The following PI4K2B variants were observed in gnomAD, a reference collection of about 807,000 sequenced individuals.
The protein encoded by PI4K2B is phosphatidylinositol 4-kinase type 2-beta.
PI4K2B carries 46 observed loss-of-function variants against 56.6 expected under a neutral mutation model. The ratio of observed to expected loss-of-function variants is 0.81; its 90% CI spans 0.64 to 1.04. PI4K2B has a LOEUF of 1.04. Among genes scored for constraint, PI4K2B ranks in the 50% least tolerant of loss-of-function variants. The pLI is 0.00. For synonymous variants in PI4K2B, 211 were observed against 223.8 expected (o/e 0.94, Z 0.51); for missense variants, 556 against 607.7 (o/e 0.91, Z 0.89).
chr4:25,248,768 G>A (rs1023362586), intron 1 of PI4K2B, among the ~76,000 whole-genome samples: 8 of 76,464 alleles, frequency 1.0e-4, no homozygotes, highest in Non-Finnish European at 2.4e-4. Flanking sequence ...CCTCAAATGA[G>A]TCAGAGCTAA....
chr4:25,234,485 C>G, intron 1 of PI4K2B, 54 bp downstream of exon 1: 1 of 1,194,184 alleles, frequency 8.4e-7, no homozygotes, highest in Non-Finnish European at 1.1e-6. Context: ...CTGCCCCTGT[C>G]GCCCGGCTCG....
Position 25,234,411 on chromosome 4 carries a change from G to A in PI4K2B, c.248G>A (p.Arg83Gln), listed in dbSNP as rs1160612503. 2.9e-6 allele frequency: 4 copies of A among 1,366,618 alleles called. No homozygotes were observed. The highest frequency in any genetic ancestry group is 3.8e-6 in the Non-Finnish European group (4 of 1,058,446). 84.7% of individuals were successfully genotyped at this position (1,366,618 alleles called of 1,614,324 possible). ...VSRSSSAELD[R>Q]SRPAVSVTIG... ...CGGAGTTCGTCCGCCGAGCTGGACC[G>A]GAGCCGCCCCGCGGTTTCAGGTGCG... Residue 83 changes from arginine to glutamine, a missense_variant, in exon 1 of 10, where the codon CGG becomes CAG. Transcript: ENST00000264864.
intron 6 of PI4K2B, among the ~76,000 whole-genome samples, chr4:25,263,104 C>G (rs1011694084): frequency 1.3e-5 from 2 of 152,172 alleles, no homozygotes; most frequent in African/African-American, 4.8e-5. Flanking sequence ...CTCACTGTCA[C>G]GAGAACAGCA....
In PI4K2B at chr4:25,250,299, A is replaced by G. The variant is rs114712507; in HGVS notation, c.269-2022A>G. Reference sequence around the variant, plus strand: ...ACGAGATCATGTCCTTTGCAAGGACATGAATGGAGCAGGAGGCCATTAGCC... The same window carrying G: ...ACGAGATCATGTCCTTTGCAAGGACGTGAATGGAGCAGGAGGCCATTAGCC... On this transcript the variant is annotated intron_variant, in intron 1 of 9. Coordinates refer to ENST00000264864, the MANE Select transcript of PI4K2B (RefSeq NM_018323.4). 6.0e-3 allele frequency among the ~76,000 whole-genome samples: 913 copies of G among 152,322 alleles called. 6 individuals are homozygous for G. The highest frequency in any genetic ancestry group is 0.011 in the Admixed American group (161 of 15,302).
At chr4:25,240,038 C>T (rs951301721) in intron 1 of PI4K2B, among the ~76,000 whole-genome samples, 1 of 152,138 alleles carries the variant, frequency 6.6e-6, no homozygotes, top group African/African-American at 2.4e-5. Context: ...GGCCTCGATG[C>T]TAGAGGAAAC....
At chr4:25,263,129 C>G (rs1189037730) in intron 6 of PI4K2B, among the ~76,000 whole-genome samples, 2 of 152,104 alleles carry the variant, frequency 1.3e-5, no homozygotes, top group African/African-American at 4.8e-5. Context: ...AGAAACTGCC[C>G]CCATGATCCG....
chr4:25,234,482 T>G, intron 1 of PI4K2B, 51 bp downstream of exon 1: 1 of 1,198,110 alleles, frequency 8.3e-7, no homozygotes, highest in Non-Finnish European at 1.1e-6. Context: ...CGGCTGCCCC[T>G]GTCGCCCGGC....
chr4:25,247,004 A>T (rs1414617412), intron 1 of PI4K2B, among the ~76,000 whole-genome samples: 1 of 151,986 alleles, frequency 6.6e-6, no homozygotes, highest in East Asian at 1.9e-4. Flanking sequence ...GTCCCTCCAC[A>T]CCTCCCCACA....
At chr4:25,257,657 A>G (rs992842219) in intron 4 of PI4K2B, among the ~76,000 whole-genome samples, 1 of 152,200 alleles carries the variant, frequency 6.6e-6, no homozygotes, top group Non-Finnish European at 1.5e-5. Flanking sequence ...TATTTGGCTT[A>G]TGATTTTCTT....
intron 1 of PI4K2B, among the ~76,000 whole-genome samples, chr4:25,248,598 GTTT>G (rs56141369): frequency 2.3e-5 from 3 of 131,920 alleles, no homozygotes; most frequent in Admixed American, 7.5e-5. Flanking sequence ...ATGATGTATG[GTTT>G]TTTTTTTTTT....
At chr4:25,235,002 AATAC>A (rs1277055981) in intron 1 of PI4K2B, among the ~76,000 whole-genome samples, 2 of 152,230 alleles carry the variant, frequency 1.3e-5, no homozygotes, top group Middle Eastern at 3.2e-3. Context: ...ATTTACTTCT[AATAC>A]ATAAGAAAAC....
At chr4:25,275,416 C>A (rs563720010) in intron 9 of PI4K2B, among the ~76,000 whole-genome samples, 18 of 152,246 alleles carry the variant, frequency 1.2e-4, no homozygotes, top group African/African-American at 3.6e-4. Flanking sequence ...ATAATCCCAG[C>A]ACTTTGGGAG....
At chr4:25,240,738 C>G (rs188044667) in intron 1 of PI4K2B, among the ~76,000 whole-genome samples, 5 of 152,234 alleles carry the variant, frequency 3.3e-5, no homozygotes, top group African/African-American at 9.6e-5. Context: ...ACTTCCATCT[C>G]TCTTTCTTTC....
intron 4 of PI4K2B, among the ~76,000 whole-genome samples, chr4:25,257,553 C>T (rs1392469034): frequency 6.6e-6 from 1 of 151,992 alleles, no homozygotes; most frequent in Non-Finnish European, 1.5e-5. Flanking sequence ...TTAAGTAAAC[C>T]TGAGGGATGA....
intron 9 of PI4K2B, among the ~76,000 whole-genome samples, chr4:25,273,605 C>T (rs531315878): frequency 1.5e-3 from 222 of 152,282 alleles, no homozygotes; most frequent in African/African-American, 5.1e-3. Flanking sequence ...GAAATAAGGG[C>T]GCCTGCCAGC....
At chr4:25,249,872 TG>T (rs1277758312) in intron 1 of PI4K2B, among the ~76,000 whole-genome samples, 1 of 152,140 alleles carries the variant, frequency 6.6e-6, no homozygotes, top group Non-Finnish European at 1.5e-5. Flanking sequence ...GGCAAGTGGC[TG>T]GGAGGTGGAG....
chr4:25,260,482 C>G (rs1716417556), intron 5 of PI4K2B, 42 bp from the exon 6 acceptor site: 1 of 816,838 alleles, frequency 1.2e-6, no homozygotes, highest in Non-Finnish European at 1.9e-6. Context: ...GCCATGATGT[C>G]CATAGAAATG....
At chr4:25,264,740 C>T (rs575337894) in intron 7 of PI4K2B, among the ~76,000 whole-genome samples, 1 of 151,562 alleles carries the variant, frequency 6.6e-6, no homozygotes, top group Non-Finnish European at 1.5e-5. Context: ...GTGTGGTGGC[C>T]GATGCCTGTA....
chr4:25,239,735 G>T (rs981993262), intron 1 of PI4K2B, among the ~76,000 whole-genome samples: 1 of 152,226 alleles, frequency 6.6e-6, no homozygotes, highest in Non-Finnish European at 1.5e-5. Context: ...GGGCGCCGAG[G>T]CCGAGGAGGC....
Sources: allele counts gnomAD v4.1 joint callset (sites outside exome capture counted in the v4.1 genomes callset), GRCh38; gene constraint gnomAD v4.1.1; transcripts MANE v1.5; gene names NCBI Gene and HGNC (gene_info 2026-07-23, HGNC 2026-07-21).